DTNA: variants seen among roughly 807,000 people sequenced by gnomAD.
DTNA encodes the protein dystrophin-related protein 3.
DTNA carries 43 observed loss-of-function variants against 100.7 expected under a neutral mutation model. The observed-to-expected ratio is 0.43, with a 90% confidence interval of 0.33 to 0.55. The LOEUF is 0.55. DTNA is among the 20% of genes least tolerant of loss of function. The pLI, the probability that DTNA is intolerant of heterozygous loss-of-function variation, is 0.04. For synonymous variants in DTNA, 349 were observed against 347.9 expected (o/e 1.00, Z -0.04); for missense variants, 798 against 953.9 (o/e 0.84, Z 2.15).
chr18:34,851,713 CTTTGT>C lies in DTNA; in HGVS notation c.1435-113_1435-109del, dbSNP rs1429253598. Reference sequence around the variant, plus strand: ...CAATTGAATTTTATGTATTTGCTTTCTTTGTTTTGATAGAAATAATTCCCTCCTCC... The same window carrying C: ...CAATTGAATTTTATGTATTTGCTTTCTTTGATAGAAATAATTCCCTCCTCC... On this transcript the variant is annotated intron_variant, in intron 14 of 22. Transcript: ENST00000444659. 12 of 1,163,618 alleles carry C rather than the reference CTTTGT, an allele frequency of 1.0e-5. No individual in the cohort carries two copies. In the East Asian group the frequency reaches 2.3e-4, roughly 23 times the overall value. The allele number at this position is 1,163,618 out of a possible 1,614,324, so 72.1% of individuals were successfully genotyped here. A position where few individuals can be genotyped will look rare whatever the true frequency, so the allele number is the denominator to read the frequency against.
At chr18:34,495,410 C>G (rs1201841327) in intron 1 of DTNA, among the ~76,000 whole-genome samples, 2 of 152,176 alleles carry the variant, frequency 1.3e-5, no homozygotes, top group African/African-American at 4.8e-5. Flanking sequence ...TAAGATGTAT[C>G]AGCAAAGTAA....
chr18:34,802,061 T>C (rs1467382892), intron 4 of DTNA, among the ~76,000 whole-genome samples: 1 of 152,252 alleles, frequency 6.6e-6, no homozygotes, highest in Non-Finnish European at 1.5e-5. Context: ...TGTCTTGAGA[T>C]GGCAGTCAGA....
intron 1 of DTNA, among the ~76,000 whole-genome samples, chr18:34,500,104 A>G (rs2039732520): frequency 6.6e-6 from 1 of 152,096 alleles, no homozygotes; most frequent in South Asian, 2.1e-4. Context: ...ATTAACAAAA[A>G]AGTCTTAATG....
intron 3 of DTNA, among the ~76,000 whole-genome samples, chr18:34,793,086 T>C (rs1218386081): frequency 6.6e-6 from 1 of 152,172 alleles, no homozygotes; most frequent in African/African-American, 2.4e-5. Flanking sequence ...TAACACTAAG[T>C]AAAAGAATCC....
chr18:34,556,590 T>A (rs578222811), intron 1 of DTNA, among the ~76,000 whole-genome samples: 1 of 152,268 alleles, frequency 6.6e-6, no homozygotes, highest in South Asian at 2.1e-4. Flanking sequence ...TGTCAGCATT[T>A]GCTTGTCTAT....
chr18:34,856,108 T>C (rs1035726268), intron 15 of DTNA, among the ~76,000 whole-genome samples: 21 of 149,178 alleles, frequency 1.4e-4, no homozygotes, highest in Admixed American at 1.3e-3. Flanking sequence ...GAAATAGGAG[T>C]GAGAAGAGAT....
intron 16 of DTNA, 100 bp from the exon 17 acceptor site, chr18:34,863,866 G>C (rs1328239156): frequency 1.6e-5 from 18 of 1,141,282 alleles, no homozygotes; most frequent in Non-Finnish European, 2.3e-5. Context: ...GAGACCCAGA[G>C]ATGCCCTTTT....
At chr18:34,814,114 A>G (rs924835597) in intron 6 of DTNA, among the ~76,000 whole-genome samples, 1 of 152,090 alleles carries the variant, frequency 6.6e-6, no homozygotes, top group African/African-American at 2.4e-5. Flanking sequence ...TTCTAATTCC[A>G]TCTGTTAATG....
At chr18:34,650,117 A>G (rs1160007031) in intron 1 of DTNA, among the ~76,000 whole-genome samples, 1 of 152,168 alleles carries the variant, frequency 6.6e-6, no homozygotes, top group Non-Finnish European at 1.5e-5. Flanking sequence ...AAAGACTTAA[A>G]TTTGTTTCAA....
At chr18:34,857,709 T>G (rs1790536) in intron 15 of DTNA, among the ~76,000 whole-genome samples, 26,138 of 151,450 alleles carry the variant, frequency 0.17, 2,874 homozygotes, top group African/African-American at 0.32. Flanking sequence ...CTGAGAGATT[T>G]AAGAAAAAAA....
chr18:34,577,228 C>T (rs1299021466), intron 1 of DTNA, among the ~76,000 whole-genome samples: 4 of 152,152 alleles, frequency 2.6e-5, no homozygotes, highest in Admixed American at 2.6e-4. Flanking sequence ...CTCTCTTTAT[C>T]TCTGATAACA....
At chr18:34,553,794 T>G (rs1052698940) in intron 1 of DTNA, among the ~76,000 whole-genome samples, 4 of 152,166 alleles carry the variant, frequency 2.6e-5, no homozygotes, top group African/African-American at 9.7e-5. Context: ...CTTGTATAGT[T>G]TGAAGTCAGA....
intron 1 of DTNA, among the ~76,000 whole-genome samples, chr18:34,507,139 A>C (rs1413856032): frequency 6.6e-6 from 1 of 151,952 alleles, no homozygotes; most frequent in Admixed American, 6.6e-5. Context: ...CCCCCAAATC[A>C]ATTCTCTCTC....
chr18:34,496,225 C>CACACACACACAT (rs2039196899), intron 1 of DTNA, among the ~76,000 whole-genome samples: 1 of 151,750 alleles, frequency 6.6e-6, no homozygotes, highest in Admixed American at 6.6e-5. Context: ...CACACACACA[C>CACACACACACAT]ACACACACAC....
At chr18:34,755,252 AG>A (rs1338597768) in intron 1 of DTNA, among the ~76,000 whole-genome samples, 3 of 152,166 alleles carry the variant, frequency 2.0e-5, no homozygotes, top group Non-Finnish European at 2.9e-5. Flanking sequence ...TTTTTCCTCA[AG>A]CTGAAGTTTA....
intron 1 of DTNA, among the ~76,000 whole-genome samples, chr18:34,680,947 T>TCCTCC (rs930439350): frequency 6.6e-6 from 1 of 152,048 alleles, no homozygotes; most frequent in African/African-American, 2.4e-5. Flanking sequence ...CCAGAGCCTC[T>TCCTCC]CCTCCCCTCC....
intron 1 of DTNA, among the ~76,000 whole-genome samples, chr18:34,503,357 G>A (rs539852553): frequency 8.5e-5 from 12 of 141,222 alleles, no homozygotes; most frequent in Non-Finnish European, 1.5e-4. Context: ...GTGCAATCTC[G>A]GCTCACTGCA....
intron 1 of DTNA, among the ~76,000 whole-genome samples, chr18:34,597,022 GC>G (rs970367626): frequency 2.0e-5 from 3 of 151,904 alleles, no homozygotes; most frequent in African/African-American, 7.3e-5. Context: ...TCCCTGACAG[GC>G]CCCAGTGTGT....
chr18:34,588,598 G>C (rs1223620090), intron 1 of DTNA, among the ~76,000 whole-genome samples: 1 of 152,054 alleles, frequency 6.6e-6, no homozygotes, highest in Non-Finnish European at 1.5e-5. Context: ...CTGCAACAAA[G>C]ATCCAGAGAA....
Sources: allele counts gnomAD v4.1 joint callset (sites outside exome capture counted in the v4.1 genomes callset), GRCh38; gene constraint gnomAD v4.1.1; transcripts MANE v1.5; gene names NCBI Gene and HGNC (gene_info 2026-07-23, HGNC 2026-07-21).